The following PCDHGA4 variants were observed in gnomAD, a reference collection of about 807,000 sequenced individuals.
PCDHGA4 encodes protocadherin gamma-A4.
A neutral mutation model predicts 54.6 loss-of-function variants in PCDHGA4; 38 were observed. The observed-to-expected ratio is 0.70, with a 90% CI of 0.54 to 0.91. PCDHGA4 has a LOEUF of 0.91. PCDHGA4 is among the 40% of genes least tolerant of loss of function. The pLI, the probability that PCDHGA4 is intolerant of heterozygous loss-of-function variation, is 0.00. For missense variants in PCDHGA4, 1,298 were observed against 1,220.9 expected, an observed-to-expected ratio of 1.06 and a Z score of -0.94; for synonymous variants, 511 against 512.9, an observed-to-expected ratio of 1.00 and a Z score of 0.05.
Position 141,485,666 on chromosome 5 carries a change from A to C in PCDHGA4, c.2515-9141A>C. 1.2e-6 allele frequency: 2 copies of C among 1,612,786 alleles called. No homozygotes were observed. Among genetic ancestry groups the C allele is most frequent in the Non-Finnish European group, 1.7e-6 (2 of 1,178,960 alleles). ...GGCTCAGGATGCAGATGTGGGGAGCAATTCGATTAGCAGCTATAGGCTGAG... is the reference window on the plus strand; with the variant it reads ...GGCTCAGGATGCAGATGTGGGGAGCCATTCGATTAGCAGCTATAGGCTGAG... On this transcript the variant is annotated intron_variant, in intron 1 of 3. Transcript: ENST00000571252. This position sits in a 1 kb window ranked among gnomAD's most constrained non-coding sequence, Gnocchi z 5.7.
intron 1 of PCDHGA4, among the ~76,000 whole-genome samples, chr5:141,467,960 C>T (rs1303642319): frequency 6.6e-6 from 1 of 151,998 alleles, no homozygotes; most frequent in Non-Finnish European, 1.5e-5. Flanking sequence ...CACCCGGCTG[C>T]CAGAAAATTT....
In PCDHGA4 at chr5:141,355,406, G is replaced by T. The variant is rs1277213650; in HGVS notation, c.299G>T (p.Arg100Ile). ...LAERGVRIVS[R>I]GRTQLFALNP... Reference sequence around the variant, plus strand: ...GAGCGCGGAGTCCGCATCGTCTCCAGAGGTAGGACGCAGCTTTTCGCCCTG... The same window carrying T: ...GAGCGCGGAGTCCGCATCGTCTCCATAGGTAGGACGCAGCTTTTCGCCCTG... Residue 100 changes from arginine (R) to isoleucine (I), a missense_variant, in exon 1 of 4, where the codon AGA becomes ATA. Arg to Ile is a moderately conservative substitution (Grantham distance 97). Transcript: ENST00000571252. The T allele has an allele frequency of 6.2e-7, 1 of 1,614,106 alleles. No homozygotes were observed. Among genetic ancestry groups the T allele is most frequent in the Non-Finnish European group, 8.5e-7 (1 of 1,179,930 alleles).
Position 141,483,506 on chromosome 5 carries a change from T to A in PCDHGA4, c.2515-11301T>A, listed in dbSNP as rs964063329. ...AGGGACAGGGATGAGTCAAGGCTGA[T>A]CCCCCTAGATCCTGACTAAGGAAGC... On this transcript the variant is annotated intron_variant, in intron 1 of 3. Coordinates refer to ENST00000571252, the MANE Select transcript of PCDHGA4 (RefSeq NM_018917.4). Among the ~76,000 whole-genome samples the A allele has an allele frequency of 2.7e-5, 4 of 148,396 alleles. No individual in the cohort carries two copies. In the South Asian group the frequency reaches 8.5e-4, roughly 32 times the overall value.
intron 1 of PCDHGA4, chr5:141,361,050 T>A (rs370096238): frequency 1.9e-6 from 3 of 1,613,586 alleles, no homozygotes; most frequent in Non-Finnish European, 1.7e-6. Context: ...CGACAAAGGA[T>A]GATTTGGATT....
At chr5:141,389,326 C>T (rs763831269) in intron 1 of PCDHGA4, 1 of 1,613,994 alleles carries the variant, frequency 6.2e-7, no homozygotes, top group Admixed American at 1.7e-5. Flanking sequence ...GACTTGGGGC[C>T]CAACGGCCAA....
rs757410882 is a variant in PCDHGA4 at position 141,421,504 on chromosome 5, C to T, written c.2514+63883C>T. 8 of 1,614,062 alleles carry T rather than the reference C, an allele frequency of 5.0e-6. No homozygotes were observed. The highest frequency in any genetic ancestry group is 3.3e-5 in the South Asian group (3 of 91,088). ...CTTGATCACGGCAGGCAGGATAGACCGGGAGGAGCTCTGTGAGACGGTGTC... is the reference window on the plus strand; with the variant it reads ...CTTGATCACGGCAGGCAGGATAGACTGGGAGGAGCTCTGTGAGACGGTGTC... On this transcript the variant is annotated intron_variant, in intron 1 of 3. Transcript: ENST00000571252.
intron 1 of PCDHGA4, chr5:141,388,934 A>G (rs1225337103): frequency 1.9e-6 from 3 of 1,613,896 alleles, no homozygotes; most frequent in Non-Finnish European, 2.5e-6. Context: ...TCCAGTCTCT[A>G]CCCAACCTAA....
Position 141,397,997 on chromosome 5 carries a change from C to T in PCDHGA4, c.2514+40376C>T, listed in dbSNP as rs2093595590. ...GCCGGCCTTTACACCGCTTCCTCCTCGGAAAAAGAATCGTTTCCTAAACTG... is the reference window on the plus strand; with the variant it reads ...GCCGGCCTTTACACCGCTTCCTCCTTGGAAAAAGAATCGTTTCCTAAACTG... On this transcript the variant is annotated intron_variant, in intron 1 of 3. Coordinates refer to ENST00000571252, the MANE Select transcript of PCDHGA4 (RefSeq NM_018917.4). The T allele has an allele frequency of 6.6e-6, 9 of 1,372,980 alleles. No individual in the cohort carries two copies. The Admixed American group carries it at 2.4e-4, about 37-fold the overall frequency. The allele number at this position is 1,372,980 out of a possible 1,614,324, so 85.0% of individuals were successfully genotyped here.
intron 1 of PCDHGA4, chr5:141,385,593 C>A: frequency 8.1e-7 from 1 of 1,235,054 alleles, no homozygotes; most frequent in African/African-American, 1.6e-5. Flanking sequence ...TTCCAACCTA[C>A]TTTCTTAACT....
intron 1 of PCDHGA4, among the ~76,000 whole-genome samples, chr5:141,359,477 G>T (rs1761224775): frequency 1.3e-5 from 2 of 151,182 alleles, no homozygotes; most frequent in South Asian, 4.2e-4. Flanking sequence ...ACAAATTGTT[G>T]TATATTCATA....
chr5:141,422,876 G>A (rs2096681830), intron 1 of PCDHGA4: 1 of 1,614,248 alleles, frequency 6.2e-7, no homozygotes, highest in Non-Finnish European at 8.5e-7. Context: ...GTGTCGCTGA[G>A]CCTGTTCGTG....
chr5:141,417,001 ATAAT>A (rs2096073629), intron 1 of PCDHGA4: 2 of 150,812 alleles, frequency 1.3e-5, no homozygotes, highest in Non-Finnish European at 1.5e-5. Flanking sequence ...TTCATCTCAA[ATAAT>A]TCTATTATTT....
chr5:141,410,631 C>CT (rs768462511), intron 1 of PCDHGA4: 26 of 1,600,818 alleles, frequency 1.6e-5, no homozygotes, highest in Non-Finnish European at 2.2e-5. Context: ...GTGAGTTTCT[C>CT]TTTTTTGTGT....
chr5:141,432,859 C>A lies in PCDHGA4; in HGVS notation c.2515-61948C>A. The A allele has an allele frequency of 1.2e-6, 2 of 1,614,190 alleles. No homozygotes were observed. Among genetic ancestry groups the A allele is most frequent in the Non-Finnish European group, 1.7e-6 (2 of 1,180,020 alleles). The stretch of plus-strand genomic sequence containing the variant: ...ACCTGGTGGTAGCGGTGGCCGCGGT[C>A]TCCTGCGTCTTCCTGGCCTTCGTCA... On this transcript the variant is annotated intron_variant, in intron 1 of 3. Transcript: ENST00000571252. This position sits in a 1 kb window ranked among gnomAD's most constrained non-coding sequence, Gnocchi z 6.0.
intron 1 of PCDHGA4, chr5:141,365,375 C>T (rs752434944): frequency 5.0e-6 from 8 of 1,613,824 alleles, no homozygotes; most frequent in African/African-American, 4.0e-5. Flanking sequence ...CGAAGTGATC[C>T]TCACCTCTCT....
In PCDHGA4 at chr5:141,371,266, T is replaced by C; in HGVS notation, c.2514+13645T>C. ...AATATTGGCAAGGAAGTGAGACAACTGTTCAAGCTGGACAGTAAAACGGGG... is the reference window on the plus strand; with the variant it reads ...AATATTGGCAAGGAAGTGAGACAACCGTTCAAGCTGGACAGTAAAACGGGG... On this transcript the variant is annotated intron_variant, in intron 1 of 3. Transcript: ENST00000571252. 6.2e-7 allele frequency: 1 copy of C among 1,614,030 alleles called. No individual in the cohort carries two copies. Among genetic ancestry groups the C allele is most frequent in the East Asian group, 2.2e-5 (1 of 44,884 alleles).
At position 141,468,868 on chromosome 5, in the gene PCDHGA4, A is replaced by AAAT. The variant is rs993655754; in HGVS notation, c.2515-25921_2515-25919dup. Among the ~76,000 whole-genome samples, 30 of 151,912 alleles carry AAAT rather than the reference A, an allele frequency of 2.0e-4. No homozygotes were observed. The East Asian group carries it at 4.3e-3, about 22-fold the overall frequency. On this transcript the variant is annotated intron_variant, in intron 1 of 3. Coordinates refer to ENST00000571252, the MANE Select transcript of PCDHGA4 (RefSeq NM_018917.4). ...GCAACAGAGCGAGACTCCATCTCAAAAATAATAATAATAATAATAAGGTAC... is the reference window on the plus strand; with the variant it reads ...GCAACAGAGCGAGACTCCATCTCAAAAATAATAATAATAATAATAATAAGGTAC...
At chr5:141,384,536 T>C (rs751421323) in intron 1 of PCDHGA4, 1 of 1,614,204 alleles carries the variant, frequency 6.2e-7, no homozygotes, top group Non-Finnish European at 8.5e-7. Flanking sequence ...AGCAGCAACA[T>C]GTCACTGAGC....
At chr5:141,408,910 T>A in intron 1 of PCDHGA4, 1 of 1,613,256 alleles carries the variant, frequency 6.2e-7, no homozygotes, top group Non-Finnish European at 8.5e-7. Flanking sequence ...AGGATACCAA[T>A]GATAACCCCC....
Sources: gnomAD v4.1 joint callset for allele counts (sites outside exome capture counted in the v4.1 genomes callset) on GRCh38, gnomAD v4.1.1 for gene constraint, Gnocchi (gnomAD v3.1) non-coding constraint, MANE v1.5 for transcripts, NCBI Gene and HGNC (gene_info 2026-07-23, HGNC 2026-07-21) for gene names.